CCSER1: variants seen among roughly 807,000 people sequenced by gnomAD.
CCSER1 encodes serine-rich coiled-coil domain-containing protein 1.
A neutral mutation model predicts 82.0 loss-of-function variants in CCSER1; 41 were observed. That is an observed-to-expected ratio of 0.50 (90% CI 0.39 to 0.65). The LOEUF is 0.65. Among genes scored for constraint, CCSER1 ranks in the 30% least tolerant of loss-of-function variants. CCSER1 has a pLI of 0.00. For missense variants in CCSER1, 1,119 were observed against 1,064.2 expected (o/e 1.05, Z -0.72); for synonymous variants, 414 against 383.9 (o/e 1.08, Z -0.92).
At chr4:90,993,214 C>G (rs1424371590) in intron 9 of CCSER1, among the ~76,000 whole-genome samples, 1 of 152,002 alleles carries the variant, frequency 6.6e-6, no homozygotes, top group African/African-American at 2.4e-5. Flanking sequence ...GGACATCAAT[C>G]TCAACACAAT....
At chr4:90,129,375 A>G (rs1248158720) in intron 1 of CCSER1, among the ~76,000 whole-genome samples, 2 of 152,208 alleles carry the variant, frequency 1.3e-5, no homozygotes, top group Non-Finnish European at 2.9e-5. Flanking sequence ...CATGTTCCAG[A>G]TACGTAACTT....
At chr4:90,741,659 T>C (rs1181925294) in intron 7 of CCSER1, among the ~76,000 whole-genome samples, 1 of 152,188 alleles carries the variant, frequency 6.6e-6, no homozygotes, top group Non-Finnish European at 1.5e-5. Context: ...TCCATTATAC[T>C]CATTTTTATT....
chr4:90,700,508 A>C (rs1474445254), intron 6 of CCSER1, among the ~76,000 whole-genome samples: 1 of 152,198 alleles, frequency 6.6e-6, no homozygotes, highest in East Asian at 1.9e-4. Flanking sequence ...ATACCCAGTA[A>C]TGGAATGGCT....
chr4:91,245,073 A>G (rs1481103566), intron 10 of CCSER1, among the ~76,000 whole-genome samples: 1 of 152,024 alleles, frequency 6.6e-6, no homozygotes, highest in East Asian at 1.9e-4. Flanking sequence ...ACCACAGGCC[A>G]TTTGGAAATA....
At chr4:90,911,276 A>T (rs1270050371) in intron 8 of CCSER1, 1 of 456,176 alleles carries the variant, frequency 2.2e-6, no homozygotes, top group South Asian at 1.5e-5. Context: ...TTTGTGTTCC[A>T]TGAGAGGAGG....
intron 5 of CCSER1, among the ~76,000 whole-genome samples, chr4:90,469,210 T>C (rs1764031456): frequency 6.6e-6 from 1 of 152,124 alleles, no homozygotes; most frequent in Non-Finnish European, 1.5e-5. Context: ...TTGCTTCTTG[T>C]ATGTCTTTTT....
intron 6 of CCSER1, among the ~76,000 whole-genome samples, chr4:90,630,931 T>C (rs940328738): frequency 6.6e-6 from 1 of 150,710 alleles, no homozygotes; most frequent in Admixed American, 6.6e-5. Context: ...TCTCGCTCTG[T>C]CACCCAGGCT....
chr4:91,222,982 T>G (rs1737871013), intron 10 of CCSER1, among the ~76,000 whole-genome samples: 1 of 152,192 alleles, frequency 6.6e-6, no homozygotes, highest in South Asian at 2.1e-4. Flanking sequence ...CTTATTTTCT[T>G]ATGGACACTG....
At chr4:90,592,190 T>C (rs1308080579) in intron 5 of CCSER1, among the ~76,000 whole-genome samples, 3 of 152,066 alleles carry the variant, frequency 2.0e-5, no homozygotes, top group Admixed American at 2.0e-4. Context: ...TCCCAGTATT[T>C]AAAGTAAGAT....
intron 9 of CCSER1, among the ~76,000 whole-genome samples, chr4:91,070,061 T>C (rs757384198): frequency 1.3e-5 from 2 of 151,976 alleles, no homozygotes; most frequent in Non-Finnish European, 2.9e-5. Context: ...CTCAGCTCAC[T>C]AGAAGCTCCG....
At chr4:91,479,463 C>A (rs910268332) in intron 10 of CCSER1, among the ~76,000 whole-genome samples, 1 of 151,144 alleles carries the variant, frequency 6.6e-6, no homozygotes, top group Non-Finnish European at 1.5e-5. Context: ...GAATCACACA[C>A]AAAAAGATTG....
At chr4:90,164,239 A>G (rs1278039490) in intron 1 of CCSER1, among the ~76,000 whole-genome samples, 2 of 148,992 alleles carry the variant, frequency 1.3e-5, no homozygotes, top group Non-Finnish European at 3.0e-5. Flanking sequence ...TAATAGCTAC[A>G]ATTTCCTACA....
chr4:90,311,963 A>G (rs894408070), intron 2 of CCSER1, among the ~76,000 whole-genome samples: 1 of 152,214 alleles, frequency 6.6e-6, no homozygotes, highest in Admixed American at 6.5e-5. Context: ...GGGGATACTC[A>G]GTTAACATGC....
chr4:91,383,737 G>A (rs1455826765), intron 10 of CCSER1, among the ~76,000 whole-genome samples: 1 of 152,096 alleles, frequency 6.6e-6, no homozygotes, highest in African/African-American at 2.4e-5. Flanking sequence ...CTTATTGAGG[G>A]TGGGAGGGAC....
chr4:91,578,352 A>T (rs1470089672), intron 10 of CCSER1, among the ~76,000 whole-genome samples: 4 of 151,992 alleles, frequency 2.6e-5, no homozygotes. Flanking sequence ...TTGAAAAAAA[A>T]TTTAAAACCA....
chr4:91,120,105 G>T (rs138006567), intron 10 of CCSER1, among the ~76,000 whole-genome samples: 1 of 151,876 alleles, frequency 6.6e-6, no homozygotes, highest in Admixed American at 6.6e-5. Flanking sequence ...AGAATACTTC[G>T]ATTGTTTAAT....
At chr4:90,729,140 G>A (rs2149395164) in intron 7 of CCSER1, among the ~76,000 whole-genome samples, 1 of 152,144 alleles carries the variant, frequency 6.6e-6, no homozygotes, top group South Asian at 2.1e-4. Context: ...GTTCTTATAA[G>A]GTTAAACAAG....
chr4:90,300,850 G>T (rs1732950512), intron 1 of CCSER1, among the ~76,000 whole-genome samples: 1 of 152,010 alleles, frequency 6.6e-6, no homozygotes, highest in Non-Finnish European at 1.5e-5. Context: ...TTTTGAGACA[G>T]GGTCTCGCTC....
intron 1 of CCSER1, among the ~76,000 whole-genome samples, chr4:90,280,031 AAAG>A (rs1728590511): frequency 1.3e-5 from 2 of 152,068 alleles, no homozygotes; most frequent in Non-Finnish European, 2.9e-5. Context: ...AATTTATATC[AAAG>A]AAGGAGATAA....
Sources: gnomAD v4.1 joint callset for allele counts (sites outside exome capture counted in the v4.1 genomes callset) on GRCh38, gnomAD v4.1.1 for gene constraint, MANE v1.5 for transcripts, NCBI Gene and HGNC (gene_info 2026-07-23, HGNC 2026-07-21) for gene names.